Variants in RGPD5 observed in about 807,000 individuals in gnomAD.
RGPD5 encodes the protein RANBP2-like and GRIP domain-containing protein 5/6.
At chr2:109,761,666 C>A in the RGPD5 span, among the ~76,000 whole-genome samples, 1 of 148,558 alleles carries the variant, frequency 6.7e-6, no homozygotes, top group African/African-American at 2.5e-5. Context: ...CCGCCACTAT[C>A]TCTTAAATGT....
At chr2:109,774,532 T>TATTATATATATAATATAATATATA in the RGPD5 span, among the ~76,000 whole-genome samples, 3 of 91,686 alleles carry the variant, frequency 3.3e-5, no homozygotes, top group African/African-American at 1.7e-4. Context: ...TTATATATAT[T>TATTATATATATAATATAATATATA]ATATATAAAA....
At chr2:109,761,568 G>A in the RGPD5 span, among the ~76,000 whole-genome samples, 2 of 148,456 alleles carry the variant, frequency 1.3e-5, no homozygotes, top group Admixed American at 6.9e-5. Flanking sequence ...GCTGGAAGCA[G>A]TTTAATTCCA....
the RGPD5 span, among the ~76,000 whole-genome samples, chr2:109,773,132 C>T: frequency 1.3e-5 from 2 of 152,182 alleles, no homozygotes; most frequent in Non-Finnish European, 2.9e-5. Flanking sequence ...CATACAGGTG[C>T]TGGTGAAAGC....
At chr2:109,782,056 A>G in the RGPD5 span, among the ~76,000 whole-genome samples, 1 of 9,994 alleles carries the variant, frequency 1.0e-4, no homozygotes, top group African/African-American at 1.1e-4. Flanking sequence ...TAAGGGGGCA[A>G]TGTTGTATGT....
chr2:109,764,012 C>T, the RGPD5 span, among the ~76,000 whole-genome samples: 194 of 144,120 alleles, frequency 1.3e-3, no homozygotes, highest in Non-Finnish European at 2.5e-3. Flanking sequence ...CCTTCTTGCA[C>T]GCTCTTCCTG....
chr2:109,770,062 C>T, the RGPD5 span, among the ~76,000 whole-genome samples: 1 of 108,192 alleles, frequency 9.2e-6, no homozygotes, highest in Non-Finnish European at 1.8e-5. Context: ...CGCCCCCCAC[C>T]ACACACCAAA....
the RGPD5 span, among the ~76,000 whole-genome samples, chr2:109,764,158 C>G: frequency 6.7e-6 from 1 of 150,186 alleles, no homozygotes; most frequent in Admixed American, 6.8e-5. Context: ...AATTCCACTT[C>G]CAGTTTCTGG....
chr2:109,799,317 T>C (rs1321727215), intron 1 of RGPD5, among the ~76,000 whole-genome samples: 1 of 102,868 alleles, frequency 9.7e-6, no homozygotes, highest in Non-Finnish European at 1.8e-5. Context: ...ATTATTTTTG[T>C]TAAGATTGCT....
chr2:109,764,583 A>G, the RGPD5 span, among the ~76,000 whole-genome samples: 1 of 149,708 alleles, frequency 6.7e-6, no homozygotes, highest in African/African-American at 2.5e-5. Flanking sequence ...AAGAACACAC[A>G]TGAAAAAGGA....
the RGPD5 span, among the ~76,000 whole-genome samples, chr2:109,767,503 G>A: frequency 5.0e-5 from 7 of 139,134 alleles, no homozygotes; most frequent in Admixed American, 7.7e-5. Context: ...ATTATGTCAG[G>A]CTAATCATAA....
chr2:109,777,933 ATTAT>A, the RGPD5 span, among the ~76,000 whole-genome samples: 14 of 129,278 alleles, frequency 1.1e-4, 1 homozygote, highest in Non-Finnish European at 1.9e-4. Context: ...GGAAGATATA[ATTAT>A]TTATATAAGT....
the RGPD5 span, among the ~76,000 whole-genome samples, chr2:109,760,696 C>T: frequency 1.4e-5 from 2 of 145,832 alleles, no homozygotes; most frequent in Admixed American, 7.0e-5. Context: ...GTAGCGGCGG[C>T]GGCGACGCTG....
At chr2:109,764,203 AAGGTGTTCATTCAG>A in the RGPD5 span, among the ~76,000 whole-genome samples, 1 of 150,214 alleles carries the variant, frequency 6.7e-6, no homozygotes, top group Non-Finnish European at 1.5e-5. Context: ...GAAAAAGGTG[AAGGTGTTCATTCAG>A]CACCCGACAC....
At chr2:109,766,726 C>G in the RGPD5 span, among the ~76,000 whole-genome samples, 1 of 147,700 alleles carries the variant, frequency 6.8e-6, no homozygotes, top group Admixed American at 7.0e-5. Context: ...AAAAACCTCT[C>G]AATATGGAAT....
chr2:109,760,804 G>GGGAGCGGCGA, the RGPD5 span, among the ~76,000 whole-genome samples: 1 of 139,906 alleles, frequency 7.1e-6, no homozygotes, highest in Non-Finnish European at 1.6e-5. Flanking sequence ...TCGGGCGGGC[G>GGGAGCGGCGA]GGAGCGGCGA....
At chr2:109,774,550 A>T in the RGPD5 span, among the ~76,000 whole-genome samples, 1 of 98,940 alleles carries the variant, frequency 1.0e-5, no homozygotes, top group Non-Finnish European at 1.8e-5. Context: ...AAATATATAT[A>T]ATATATATAT....
At chr2:109,765,585 G>C in the RGPD5 span, among the ~76,000 whole-genome samples, 11 of 150,126 alleles carry the variant, frequency 7.3e-5, 1 homozygote, top group Non-Finnish European at 5.9e-5. Context: ...ATTCATGGTG[G>C]GGTGGCATTT....
intron 1 of RGPD5, among the ~76,000 whole-genome samples, chr2:109,799,234 T>A: frequency 2.3e-5 from 3 of 128,976 alleles, no homozygotes; most frequent in East Asian, 2.3e-4. Flanking sequence ...CAAGACTCCA[T>A]CTCAAAAAAA....
chr2:109,763,481 CA>C, the RGPD5 span, among the ~76,000 whole-genome samples: 3 of 150,238 alleles, frequency 2.0e-5, no homozygotes, highest in Non-Finnish European at 4.4e-5. Flanking sequence ...GAGTACTTCA[CA>C]TATCTCTCAG....
Sources: allele counts gnomAD v4.1 joint callset (sites outside exome capture counted in the v4.1 genomes callset), GRCh38; gene constraint gnomAD v4.1.1; transcripts MANE v1.5; gene names NCBI Gene and HGNC (gene_info 2026-07-23, HGNC 2026-07-21).